The following PALLD variants were observed in gnomAD, a reference collection of about 807,000 sequenced individuals.
The protein encoded by PALLD is palladin, cytoskeletal associated protein.
In PALLD, 61 loss-of-function variants were observed where a neutral mutation model predicts 123.5. The ratio of observed to expected loss-of-function variants is 0.49; its 90% CI spans 0.40 to 0.61. The LOEUF (loss-of-function observed/expected upper bound fraction) is 0.61, where lower values mean the gene tolerates loss of function less well. Among genes scored for constraint, PALLD ranks in the 20% least tolerant of loss-of-function variants. The pLI is 0.00. For missense variants in PALLD, 1,273 were observed against 1,377.0 expected (o/e 0.92, Z 1.20); for synonymous variants, 465 against 496.4 (o/e 0.94, Z 0.84).
In PALLD at chr4:168,921,684, T is replaced by C; in HGVS notation, c.3001T>C (p.Cys1001Arg). Residue 1001 changes from cysteine (C) to arginine (R), a missense_variant, in exon 18 of 22, where the codon TGT becomes CGT. Cys to Arg is a radical substitution (Grantham distance 180, BLOSUM62 -3). Transcript: ENST00000505667. ...GTCACGTGATGCCGGCATCTACACATGTATAGCTACCAACCGAGCAGGACA... is the reference window on the plus strand; with the variant it reads ...GTCACGTGATGCCGGCATCTACACACGTATAGCTACCAACCGAGCAGGACA... ...VTSRDAGIYT[C>R]IATNRAGQNS... The C allele has an allele frequency of 6.2e-7, 1 of 1,611,470 alleles. No individual in the cohort carries two copies. The highest frequency in any genetic ancestry group is 8.5e-7 in the Non-Finnish European group (1 of 1,179,814).
intron 10 of PALLD, among the ~76,000 whole-genome samples, chr4:168,730,319 A>G (rs948864977): frequency 8.6e-5 from 13 of 151,778 alleles, no homozygotes; most frequent in African/African-American, 2.7e-4. Flanking sequence ...CTCATTCTCT[A>G]TATTCTTTCA....
chr4:168,549,194 G>A (rs1319423195), intron 2 of PALLD, among the ~76,000 whole-genome samples: 1 of 151,432 alleles, frequency 6.6e-6, no homozygotes, highest in Non-Finnish European at 1.5e-5. Context: ...TTTGAGTGAT[G>A]AATTTTCTTT....
chr4:168,590,593 C>A (rs967018585), intron 2 of PALLD, among the ~76,000 whole-genome samples: 1 of 152,066 alleles, frequency 6.6e-6, no homozygotes, highest in African/African-American at 2.4e-5. Context: ...TTTTAAGTAG[C>A]AGGGCATATG....
intron 2 of PALLD, among the ~76,000 whole-genome samples, chr4:168,539,306 C>CT (rs1412454711): frequency 8.0e-4 from 121 of 152,104 alleles, no homozygotes; most frequent in African/African-American, 2.9e-3. Context: ...ATTACGAGTC[C>CT]TGCCCGGGCG....
chr4:168,735,401 A>C (rs1202931026), intron 10 of PALLD, among the ~76,000 whole-genome samples: 2 of 152,212 alleles, frequency 1.3e-5, no homozygotes, highest in Non-Finnish European at 2.9e-5. Flanking sequence ...CTTTCCTGAG[A>C]GAACAGCTTT....
chr4:168,879,881 T>C (rs569664825), intron 10 of PALLD, among the ~76,000 whole-genome samples: 156 of 152,372 alleles, frequency 1.0e-3, no homozygotes, highest in South Asian at 2.5e-3. Flanking sequence ...TTTGAGCTTT[T>C]ATTTAGCTGT....
chr4:168,768,901 T>C (rs554835300), intron 10 of PALLD, among the ~76,000 whole-genome samples: 1 of 151,826 alleles, frequency 6.6e-6, no homozygotes, highest in Non-Finnish European at 1.5e-5. Context: ...CCATCTCAGC[T>C]CACTGCAACC....
At chr4:168,546,365 A>G (rs974172916) in intron 2 of PALLD, among the ~76,000 whole-genome samples, 1 of 145,704 alleles carries the variant, frequency 6.9e-6, no homozygotes, top group Admixed American at 7.3e-5. Context: ...TAAAATGTTT[A>G]TCATTCCAGC....
intron 10 of PALLD, among the ~76,000 whole-genome samples, chr4:168,855,565 AGTCT>A (rs544835981): frequency 8.5e-5 from 13 of 152,206 alleles, no homozygotes; most frequent in African/African-American, 2.2e-4. Flanking sequence ...TTGGTAAGTC[AGTCT>A]GTCTGTGCAG....
chr4:168,587,306 C>T (rs746959321), intron 2 of PALLD, among the ~76,000 whole-genome samples: 4 of 152,198 alleles, frequency 2.6e-5, no homozygotes, highest in Non-Finnish European at 5.9e-5. Context: ...ACCACATAGG[C>T]AATCACTTGA....
At chr4:168,545,262 C>G (rs1462321409) in intron 2 of PALLD, among the ~76,000 whole-genome samples, 1 of 152,114 alleles carries the variant, frequency 6.6e-6, no homozygotes, top group Non-Finnish European at 1.5e-5. Context: ...TGTGGTGGCT[C>G]ACACCTGTAA....
intron 13 of PALLD, 37 bp from the exon 14 acceptor site, chr4:168,898,456 G>A: frequency 7.6e-7 from 1 of 1,311,746 alleles, no homozygotes; most frequent in East Asian, 2.3e-5. Flanking sequence ...TTGTCAGAAG[G>A]GATTGAGTCT....
chr4:168,883,585 T>G (rs1291532549), intron 10 of PALLD, among the ~76,000 whole-genome samples: 2 of 152,236 alleles, frequency 1.3e-5, no homozygotes. Context: ...AAGGGAAGGA[T>G]GCTTTCAAGA....
intron 2 of PALLD, among the ~76,000 whole-genome samples, chr4:168,519,137 T>C (rs1052825978): frequency 1.3e-5 from 2 of 152,174 alleles, no homozygotes; most frequent in African/African-American, 4.8e-5. Context: ...ACGGATGTAG[T>C]AGTACAGAGA....
intron 10 of PALLD, among the ~76,000 whole-genome samples, chr4:168,760,083 G>T (rs1732616264): frequency 6.6e-6 from 1 of 151,832 alleles, no homozygotes; most frequent in African/African-American, 2.4e-5. Flanking sequence ...TGTCACAACT[G>T]CAAGGCATGA....
intron 3 of PALLD, among the ~76,000 whole-genome samples, chr4:168,675,425 G>A (rs781123856): frequency 6.6e-6 from 1 of 152,216 alleles, no homozygotes; most frequent in Non-Finnish European, 1.5e-5. Context: ...ATTGTTCCTG[G>A]TAATCACATA....
At chr4:168,712,484 G>A (rs1784926824) in intron 10 of PALLD, among the ~76,000 whole-genome samples, 1 of 152,122 alleles carries the variant, frequency 6.6e-6, no homozygotes, top group Non-Finnish European at 1.5e-5. Flanking sequence ...CCATGGAGCT[G>A]CATATTTCCA....
intron 10 of PALLD, among the ~76,000 whole-genome samples, chr4:168,731,897 A>G (rs1387201737): frequency 6.6e-6 from 1 of 152,242 alleles, no homozygotes; most frequent in African/African-American, 2.4e-5. Context: ...TTGATAAACA[A>G]GTGGTTCTTT....
intron 3 of PALLD, among the ~76,000 whole-genome samples, chr4:168,671,060 T>C (rs1780221806): frequency 6.6e-6 from 1 of 151,366 alleles, no homozygotes; most frequent in African/African-American, 2.4e-5. Flanking sequence ...AGTAATATTA[T>C]AATAAGTGGT....
Sources: allele counts gnomAD v4.1 joint callset (sites outside exome capture counted in the v4.1 genomes callset), GRCh38; gene constraint gnomAD v4.1.1; transcripts MANE v1.5; gene names NCBI Gene and HGNC (gene_info 2026-07-23, HGNC 2026-07-21).